RBM41: variants seen among roughly 807,000 people sequenced by gnomAD.
The protein encoded by RBM41 is RNA-binding protein 41.
In RBM41, 14 loss-of-function variants were observed where a neutral mutation model predicts 30.8. The observed-to-expected ratio is 0.45, with a 90% CI of 0.30 to 0.71. The LOEUF (loss-of-function observed/expected upper bound fraction) is 0.71. Among genes scored for constraint, RBM41 ranks in the 30% least tolerant of loss-of-function variants. The pLI, the probability that RBM41 is intolerant of heterozygous loss-of-function variation, is 0.08. For missense variants in RBM41, 276 were observed against 326.3 expected (o/e 0.85, Z 1.19); for synonymous variants, 120 against 110.1 (o/e 1.09, Z -0.56).
At chrX:107,078,387 G>A (rs769903856) in intron 6 of RBM41, among the ~76,000 whole-genome samples, 2 of 111,092 alleles carry the variant, frequency 1.8e-5, no homozygotes, top group African/African-American at 3.3e-5. Context: ...TTCATGGGAG[G>A]TGTATATTTC....
intron 5 of RBM41, among the ~76,000 whole-genome samples, chrX:107,108,707 C>T (rs897537049): frequency 8.9e-6 from 1 of 111,748 alleles, no homozygotes; most frequent in Non-Finnish European, 1.9e-5. Flanking sequence ...TGTAGCATTT[C>T]GACTTTCCAT....
chrX:107,070,272 G>C (rs754122602), intron 6 of RBM41: 1 of 329,975 alleles, frequency 3.0e-6, no homozygotes, highest in Admixed American at 3.1e-5. Flanking sequence ...ATACATGGCT[G>C]AAGATGTGAA....
chrX:107,078,551 T>C (rs1442336665), intron 6 of RBM41, among the ~76,000 whole-genome samples: 1 of 111,806 alleles, frequency 8.9e-6, no homozygotes. Context: ...TTGGCTCCTG[T>C]ATTCCTTTGC....
chrX:107,057,629 G>C (rs1175392972), downstream of RBM41, among the ~76,000 whole-genome samples: 7 of 112,079 alleles, frequency 6.2e-5, no homozygotes, highest in African/African-American at 2.3e-4. Flanking sequence ...GTTCTTGGGT[G>C]TTCTATAGAT....
In RBM41 at chrX:107,115,940, C is replaced by G. The variant is rs887971190; in HGVS notation, c.240G>C (p.Gln80His). ...CTAATTCCCTGAGAGAAGCAGTTTC[C>G]TGGTCCTTCTCATGCAGTGTCTGGA... is the stretch of plus-strand genomic sequence containing the variant. ...SQFQTLHEKD[Q>H]ETASLRELGL... is the part of the protein sequence containing the mutation. The change falls in exon 3 of 8, where the codon CAG becomes CAC. Residue 80 changes from glutamine to histidine, a missense_variant. By Grantham distance (24) the Gln-to-His change is conservative (BLOSUM62 0). Coordinates refer to ENST00000685964, the MANE Select transcript of RBM41 (RefSeq NM_001324242.2). The G allele has an allele frequency of 5.8e-6, 7 of 1,210,332 alleles. No individual in the cohort carries two copies. Among genetic ancestry groups the G allele is most frequent in the Admixed American group, 4.3e-5 (2 of 46,015 alleles).
intron 4 of RBM41, 148 bp from the exon 5 acceptor site, chrX:107,113,616 C>T: frequency 1.3e-6 from 1 of 748,040 alleles, no homozygotes; most frequent in Non-Finnish European, 1.7e-6. Flanking sequence ...TGTAACATAG[C>T]TACTATTAAT....
the RBM41 span, among the ~76,000 whole-genome samples, chrX:107,055,434 C>T: frequency 8.9e-6 from 1 of 111,858 alleles, no homozygotes; most frequent in African/African-American, 3.3e-5. Context: ...ACGCCATTCT[C>T]CTGCCTCAGC....
intron 1 of RBM41, among the ~76,000 whole-genome samples, chrX:107,117,309 G>GC (rs1022087991): frequency 3.6e-5 from 4 of 112,180 alleles, no homozygotes; most frequent in Non-Finnish European, 7.5e-5. Flanking sequence ...GTGACACAGT[G>GC]CAAGTGATGG....
intron 1 of RBM41, 77 bp downstream of exon 1, chrX:107,118,689 A>G: frequency 2.6e-6 from 3 of 1,168,506 alleles, no homozygotes; most frequent in Non-Finnish European, 3.5e-6. Flanking sequence ...CCAAACCAGA[A>G]AGCAATGGAA....
rs754718481 is a variant in RBM41 at position 107,116,779 on chromosome X, TAAG to T, written c.9-16_9-14del. The stretch of plus-strand genomic sequence containing the variant: ...ACAGCTGTTTACCCTGGAGTAGACA[TAAG>T]AATATATACAGAAAACGGAAGAGAC... On this transcript the variant is annotated splice_polypyrimidine_tract_variant and intron_variant, in intron 1 of 7. Transcript: ENST00000685964. 2.4e-5 allele frequency: 28 copies of T among 1,190,348 alleles called. No individual in the cohort carries two copies. Among genetic ancestry groups the T allele is most frequent in the Non-Finnish European group, 3.0e-5 (26 of 881,122 alleles).
chrX:107,107,251 T>C (rs1472537158), intron 5 of RBM41, among the ~76,000 whole-genome samples: 1 of 110,768 alleles, frequency 9.0e-6, no homozygotes, highest in Non-Finnish European at 1.9e-5. Context: ...ATTATACACA[T>C]TAGCCTTAAG....
rs925549343 is a variant in RBM41, at chrX:107,089,204, T to A, written c.596-365A>T. On this transcript the variant is annotated intron_variant, in intron 5 of 7. Transcript: ENST00000685964. The stretch of plus-strand genomic sequence containing the variant: ...AAATTGTCCTGATTCCATCTAAGAT[T>A]TTTTTATACTTGTTTATTCAATTCA... Among the ~76,000 whole-genome samples, 3 of 112,238 alleles carry A rather than the reference T, an allele frequency of 2.7e-5. 1 individual carries two copies. Among genetic ancestry groups the A allele is most frequent in the Admixed American group, 1.9e-4 (2 of 10,594 alleles).
the RBM41 span, among the ~76,000 whole-genome samples, chrX:107,055,510 A>G: frequency 9.0e-6 from 1 of 110,849 alleles, no homozygotes; most frequent in Admixed American, 9.6e-5. Flanking sequence ...ATTTTTAGTA[A>G]AGACAGGGTT....
At position 107,115,538 on chromosome X, in the gene RBM41, T is replaced by C; in HGVS notation, c.337A>G (p.Thr113Ala). 2 of 1,208,586 alleles carry C rather than the reference T, an allele frequency of 1.7e-6. No homozygotes were observed. The highest frequency in any genetic ancestry group is 2.2e-6 in the Non-Finnish European group (2 of 893,132). Residue 113 changes from threonine (T) to alanine (A), a missense_variant, in exon 4 of 8, where the codon ACT (threonine) becomes GCT (alanine). Thr to Ala is a moderately conservative substitution (Grantham distance 58). Transcript: ENST00000685964. ...SGEKKTKLRATPEAIQNRLQD... is the reference protein window; with the variant it reads ...SGEKKTKLRAAPEAIQNRLQD... ...AGACGGTTCTGTATTGCTTCAGGAG[T>C]TGCCCTCAGTTTTGTCTTCTGAAAC...
intron 6 of RBM41, among the ~76,000 whole-genome samples, chrX:107,084,308 A>G (rs1490849364): frequency 1.8e-5 from 2 of 110,921 alleles, no homozygotes; most frequent in Non-Finnish European, 3.8e-5. Flanking sequence ...TGAAGTCTCA[A>G]TCTTTTAGTG....
chrX:107,090,898 C>T (rs1922476837), intron 5 of RBM41, among the ~76,000 whole-genome samples: 2 of 109,876 alleles, frequency 1.8e-5, no homozygotes, highest in Admixed American at 9.7e-5. Context: ...CCTATCAACC[C>T]ATTATCTAAG....
chrX:107,067,636 T>C lies in RBM41; in HGVS notation c.1205A>G (p.Lys402Arg). The C allele has an allele frequency of 8.3e-7, 1 of 1,210,919 alleles. No homozygotes were observed. The highest frequency in any genetic ancestry group is 1.1e-6 in the Non-Finnish European group (1 of 894,910). The change falls in exon 8 of 8, where the codon AAA becomes AGA. Residue 402 changes from lysine (K) to arginine (R), a missense_variant. Physicochemically the swap from Lys to Arg is conservative, Grantham distance 26. Transcript: ENST00000685964. Reference sequence around the variant, plus strand: ...CTTTCCAAACTCTATCACCAATATTTTCCCATGTAGTTTGTATCCATTTAC... The same window carrying C: ...CTTTCCAAACTCTATCACCAATATTCTCCCATGTAGTTTGTATCCATTTAC... The part of the protein sequence containing the change: ...HLVNGYKLHG[K>R]ILVIEFGKNK...
intron 5 of RBM41, among the ~76,000 whole-genome samples, chrX:107,106,188 C>T (rs1379099987): frequency 1.6e-4 from 18 of 111,468 alleles, no homozygotes; most frequent in Admixed American, 4.7e-4. Flanking sequence ...AACAAACAAC[C>T]GCATCAAAAA....
chrX:107,098,351 T>C (rs1156639059), intron 5 of RBM41, among the ~76,000 whole-genome samples: 2 of 111,833 alleles, frequency 1.8e-5, no homozygotes, highest in Non-Finnish European at 3.8e-5. Context: ...CAAAACACTT[T>C]TGAAGAAAAA....
Sources: allele counts gnomAD v4.1 joint callset (sites outside exome capture counted in the v4.1 genomes callset), GRCh38; gene constraint gnomAD v4.1.1; transcripts MANE v1.5; gene names NCBI Gene and HGNC (gene_info 2026-07-23, HGNC 2026-07-21).